Variants in DQX1 observed in about 807,000 individuals in gnomAD.
The protein encoded by DQX1 is DEAQ-box RNA dependent ATPase 1.
A neutral mutation model predicts 81.3 loss-of-function variants in DQX1; 66 were observed. That is an observed-to-expected ratio of 0.81 (90% CI 0.67 to 1.00). The LOEUF (loss-of-function observed/expected upper bound fraction) is 1.00. DQX1 is among the 50% of genes least tolerant of loss of function. DQX1 has a pLI of 0.00. For missense variants in DQX1, 798 were observed against 867.9 expected (o/e 0.92, Z 1.01); for synonymous variants, 290 against 350.0 (o/e 0.83, Z 1.91).
Position 74,523,914 on chromosome 2 carries a change from G to GT in DQX1, c.816+8dup, listed in dbSNP as rs754021351. The GT allele has an allele frequency of 1.9e-6, 3 of 1,554,794 alleles. No individual in the cohort carries two copies. The highest frequency in any genetic ancestry group is 2.6e-6 in the Non-Finnish European group (3 of 1,151,628). On this transcript the variant is annotated intron_variant, in intron 4 of 11. Transcript: ENST00000404568. ...CAGGCTGTTTTTTTTGTTTTGTTTT[G>GT]TTTTTTACCTCCTCACTGGGCAGGA...
chr2:74,525,071 C>G lies in DQX1; in HGVS notation c.369G>C (p.Leu123=), dbSNP rs1033542764. The part of the protein sequence containing the change: ...LRVADEMDLT[L]GHEVGYSIPQ... ...GGATGCTGTATCCAACCTCATGACC[C>G]AGGGTCAGGTCCATCTCATCAGCAA... Residue 123 remains leucine, a synonymous_variant, in exon 3 of 12, where the codon CTG becomes CTC. Coordinates refer to ENST00000404568, the MANE Select transcript of DQX1 (RefSeq NM_133637.3). This position sits in a 1 kb window ranked among gnomAD's most constrained non-coding sequence, Gnocchi z 4.1. 1.9e-5 allele frequency: 30 copies of G among 1,614,014 alleles called. No individual in the cohort carries two copies. Among genetic ancestry groups the G allele is most frequent in the Non-Finnish European group, 2.5e-5 (30 of 1,180,026 alleles).
chr2:74,524,268 C>A lies in DQX1; in HGVS notation c.471G>T (p.Ser157=). Residue 157 remains serine (S), a synonymous_variant, in exon 4 of 12, where the codon TCG becomes TCT. Coordinates refer to ENST00000404568, the MANE Select transcript of DQX1 (RefSeq NM_133637.3). Reference sequence around the variant, plus strand: ...CGCCCCAGGCTCCAGTGCCTCGGGTCGAGGCCACCTCCTGCAGAAGCAGCC... The same window carrying A: ...CGCCCCAGGCTCCAGTGCCTCGGGTAGAGGCCACCTCCTGCAGAAGCAGCC... ...WDRLLLQEVA[S]TRGTGAWGVL... The A allele has an allele frequency of 7.4e-6, 12 of 1,613,766 alleles. No homozygotes were observed. Among genetic ancestry groups the A allele is most frequent in the South Asian group, 2.2e-5 (2 of 91,066 alleles).
rs1675167024 is a variant in DQX1 at position 74,525,865 on chromosome 2, C to T, written c.-19-117G>A. 1 of 697,778 alleles carries T rather than the reference C, an allele frequency of 1.4e-6. No individual in the cohort carries two copies. Among genetic ancestry groups the T allele is most frequent in the Non-Finnish European group, 2.4e-6 (1 of 423,764 alleles). 43.2% of individuals were successfully genotyped at this position (697,778 alleles called of 1,614,324 possible). On this transcript the variant is annotated intron_variant, in intron 1 of 11. Transcript: ENST00000404568. This position sits in a 1 kb window ranked among gnomAD's most constrained non-coding sequence, Gnocchi z 4.1. Reference sequence around the variant, plus strand: ...GATCATGCTCTGGGGCCCACCCTTCCCAGCATTTCCTGCCAGGAAACAGTG... The same window carrying T: ...GATCATGCTCTGGGGCCCACCCTTCTCAGCATTTCCTGCCAGGAAACAGTG...
Position 74,518,239 on chromosome 2 carries a change from G to A in DQX1, c.*207C>T. 3.7e-6 allele frequency: 2 copies of A among 537,726 alleles called. No individual in the cohort carries two copies. Among genetic ancestry groups the A allele is most frequent in the Non-Finnish European group, 6.4e-6 (2 of 313,314 alleles). The allele number at this position is 537,726 out of a possible 1,614,324, so 33.3% of individuals were successfully genotyped here. ...AGTCCCTCTCCAATCAATAAGAGAAGGCTAAGGAAAGAGTCCTTCCCTATG... is the reference window on the plus strand; with the variant it reads ...AGTCCCTCTCCAATCAATAAGAGAAAGCTAAGGAAAGAGTCCTTCCCTATG... On this transcript the variant is annotated 3_prime_UTR_variant, in exon 12 of 12. Coordinates refer to ENST00000404568, the MANE Select transcript of DQX1 (RefSeq NM_133637.3).
chr2:74,519,510 G>T, intron 10 of DQX1, 46 bp downstream of exon 10: 3 of 1,591,410 alleles, frequency 1.9e-6, no homozygotes, highest in Non-Finnish European at 2.6e-6. Context: ...TGTTCTCTTT[G>T]CCTTTTGCTC....
At chr2:74,521,718 C>T (rs530221891) in intron 8 of DQX1, among the ~76,000 whole-genome samples, 1 of 150,950 alleles carries the variant, frequency 6.6e-6, no homozygotes, top group Non-Finnish European at 1.5e-5. Context: ...TCTCTCTCTC[C>T]CTCTCTTTCC....
At chr2:74,522,820 G>A in intron 7 of DQX1, 36 bp downstream of exon 7, 1 of 1,612,448 alleles carries the variant, frequency 6.2e-7, no homozygotes, top group Non-Finnish European at 8.5e-7. Flanking sequence ...GAACTGGGTG[G>A]TCAGATGGCA....
intron 8 of DQX1, 108 bp from the exon 9 acceptor site, chr2:74,520,142 T>A (rs1410557049): frequency 1.4e-6 from 2 of 1,406,686 alleles, no homozygotes; most frequent in Non-Finnish European, 1.9e-6. Flanking sequence ...GGAACTTTAT[T>A]CAAAAGACAT....
intron 8 of DQX1, among the ~76,000 whole-genome samples, chr2:74,521,773 C>G (rs1246539685): frequency 7.0e-6 from 1 of 142,728 alleles, no homozygotes; most frequent in East Asian, 2.1e-4. Flanking sequence ...CTCCCTCTCT[C>G]CCCCTCTTTC....
chr2:74,519,937 C>G lies in DQX1; in HGVS notation c.1593G>C (p.Gln531His), dbSNP rs772429479. 3.7e-6 allele frequency: 6 copies of G among 1,614,048 alleles called. No homozygotes were observed. Residue 531 changes from glutamine to histidine, a missense_variant, in exon 9 of 12, where the codon CAG becomes CAC. Transcript: ENST00000404568. ...HTDGDHSSLI[Q>H]VYEAFIQSGA... The stretch of plus-strand genomic sequence containing the variant: ...CACTTTGTATAAAGGCTTCATACAC[C>G]TGGATCAGAGAACTGTGGTCACCAT...
intron 8 of DQX1, 38 bp downstream of exon 8, chr2:74,522,542 G>T (rs767918963): frequency 6.3e-7 from 1 of 1,586,640 alleles, no homozygotes; most frequent in South Asian, 1.2e-5. Context: ...GGGCTGAAGT[G>T]GTTTCAAGAG....
Position 74,523,093 on chromosome 2 carries a change from A to T in DQX1, c.1144+26T>A. The stretch of plus-strand genomic sequence containing the variant: ...CATGTTGGTGACTCTTGGGTTTTTT[A>T]TTTCAGTGAGGGCAAAGGCTCTTAC... On this transcript the variant is annotated intron_variant, in intron 6 of 11. Coordinates refer to ENST00000404568, the MANE Select transcript of DQX1 (RefSeq NM_133637.3). 1.9e-6 allele frequency: 3 copies of T among 1,613,890 alleles called. No individual in the cohort carries two copies. In the Admixed American group the frequency reaches 5.0e-5, roughly 27 times the overall value.
rs1318299068 is a variant in DQX1 at position 74,522,901 on chromosome 2, T to C, written c.1258A>G (p.Arg420Gly). ...LSSLVLLLKR[R>G]QIAEPGECHF... Reference sequence around the variant, plus strand: ...CACTCCCCTGGCTCTGCAATCTGTCTCCTTTTTAGTAGTAACACCAGGGAG... The same window carrying C: ...CACTCCCCTGGCTCTGCAATCTGTCCCCTTTTTAGTAGTAACACCAGGGAG... The change falls in exon 7 of 12, where the codon AGA becomes GGA. Residue 420 changes from arginine to glycine, a missense_variant. Transcript: ENST00000404568. 6.2e-7 allele frequency: 1 copy of C among 1,614,114 alleles called. No individual in the cohort carries two copies.
In DQX1 at chr2:74,523,233, C is replaced by G. The variant is rs1246799072; in HGVS notation, c.1045-15G>C. 6.2e-7 allele frequency: 1 copy of G among 1,614,042 alleles called. No homozygotes were observed. The highest frequency in any genetic ancestry group is 1.3e-5 in the African/African-American group (1 of 74,914). On this transcript the variant is annotated splice_polypyrimidine_tract_variant and intron_variant, in intron 5 of 11. Transcript: ENST00000404568. ...GGATTGTAAACCTGTTGCCCGTCCC[C>G]CAACCAAGGCCAAGACAGATCAGAG...
rs1675170875 is a variant in DQX1, at chr2:74,525,964, G to A, written c.-20+172C>T. On this transcript the variant is annotated intron_variant, in intron 1 of 11. Coordinates refer to ENST00000404568, the MANE Select transcript of DQX1 (RefSeq NM_133637.3). The surrounding 1 kb of genome is among the most constrained non-coding windows in gnomAD (Gnocchi z 4.1). ...AGTCAGGTAGTAGAAATCTACCTGA[G>A]ACTATTACCCCGTTGGCAGGTAGTA... Among the ~76,000 whole-genome samples, 1 of 152,164 alleles carries A rather than the reference G, an allele frequency of 6.6e-6. No homozygotes were observed. The highest frequency in any genetic ancestry group is 2.1e-4 in the South Asian group (1 of 4,830).
At position 74,518,511 on chromosome 2, in the gene DQX1, C is replaced by T. The variant is rs201394061; in HGVS notation, c.2089G>A (p.Asp697Asn). 6.2e-7 allele frequency: 1 copy of T among 1,614,258 alleles called. No individual in the cohort carries two copies. The highest frequency in any genetic ancestry group is 1.3e-5 in the African/African-American group (1 of 75,080). The change falls in exon 12 of 12, where the codon GAT becomes AAT. Residue 697 changes from aspartate to asparagine, a missense_variant. Transcript: ENST00000404568. Reference protein sequence around the residue: ...LLNQLREGMADSTAGSKSSSA... With the variant: ...LLNQLREGMANSTAGSKSSSA... ...GATGATTTGCTCCCTGCTGTAGAAT[C>T]TGCCATTCCTTCCCTTAGCTGGTTC...
chr2:74,520,613 A>T (rs1572984019), intron 8 of DQX1, among the ~76,000 whole-genome samples: 2 of 152,102 alleles, frequency 1.3e-5, no homozygotes, highest in African/African-American at 4.8e-5. Context: ...GTACTGAGGA[A>T]AGGAACTGTC....
chr2:74,523,593 A>G lies in DQX1; in HGVS notation c.817-56T>C. Reference sequence around the variant, plus strand: ...CAGTTCTCACGTTTTTTGGGGTCACAGATCCCTTTGAAAGACTGTTGAAAG... The same window carrying G: ...CAGTTCTCACGTTTTTTGGGGTCACGGATCCCTTTGAAAGACTGTTGAAAG... On this transcript the variant is annotated intron_variant, in intron 4 of 11. Coordinates refer to ENST00000404568, the MANE Select transcript of DQX1 (RefSeq NM_133637.3). The G allele has an allele frequency of 2.0e-6, 3 of 1,521,970 alleles. No homozygotes were observed. In the East Asian group the frequency reaches 6.8e-5, roughly 34 times the overall value. 94.3% of individuals were successfully genotyped at this position (1,521,970 alleles called of 1,614,324 possible).
Position 74,524,078 on chromosome 2 carries a change from TAGG to T in DQX1, c.658_660del (p.Pro220del), listed in dbSNP as rs751495720. 4 of 1,613,974 alleles carry T rather than the reference TAGG, an allele frequency of 2.5e-6. No individual in the cohort carries two copies. Among genetic ancestry groups the T allele is most frequent in the Admixed American group, 1.7e-5 (1 of 60,000 alleles). ...CCAGGCTCTCTGGGTATATGCACAATAGGAGGATTGCCCCAGAAAGCTCGGAGC... is the reference window on the plus strand; with the variant it reads ...CCAGGCTCTCTGGGTATATGCACAATAGGATTGCCCCAGAAAGCTCGGAGC... On this transcript the variant is annotated inframe_deletion, in exon 4 of 12. Coordinates refer to ENST00000404568, the MANE Select transcript of DQX1 (RefSeq NM_133637.3).
Sources: gnomAD v4.1 joint callset for allele counts (sites outside exome capture counted in the v4.1 genomes callset) on GRCh38, gnomAD v4.1.1 for gene constraint, Gnocchi (gnomAD v3.1) non-coding constraint, MANE v1.5 for transcripts, NCBI Gene and HGNC (gene_info 2026-07-23, HGNC 2026-07-21) for gene names.